Variants in MED12L observed in about 807,000 individuals in gnomAD.
MED12L encodes the protein mediator complex subunit 12L.
Under a neutral mutation model 281.3 loss-of-function variants are expected in MED12L, and 60 were observed. That is an observed-to-expected ratio of 0.21 (90% CI 0.17 to 0.26). The LOEUF is 0.26. MED12L is among the 10% of genes least tolerant of loss of function. MED12L has a pLI of 1.00. For synonymous variants in MED12L, 974 were observed against 987.2 expected (o/e 0.99, Z 0.25); for missense variants, 2,146 against 2,680.9 (o/e 0.80, Z 4.41).
At chr3:151,195,080 G>A (rs1190885568) in intron 16 of MED12L, among the ~76,000 whole-genome samples, 2 of 152,074 alleles carry the variant, frequency 1.3e-5, no homozygotes, top group Non-Finnish European at 2.9e-5. Flanking sequence ...GGAGAATGGC[G>A]TGAACCCCAG....
chr3:151,385,212 T>A, intron 36 of MED12L, 21 bp downstream of exon 36: 2 of 1,136,368 alleles, frequency 1.8e-6, no homozygotes, highest in Non-Finnish European at 2.5e-6. Flanking sequence ...ATGTTTTTTC[T>A]TATATATAAA....
intron 1 of MED12L, chr3:151,086,594 C>A (rs1003920044): frequency 9.2e-5 from 19 of 206,320 alleles, no homozygotes; most frequent in African/African-American, 2.1e-4. Flanking sequence ...TGCTCCTCCC[C>A]CTGGAGACAA....
intron 16 of MED12L, among the ~76,000 whole-genome samples, chr3:151,265,479 C>T (rs999319400): frequency 6.6e-6 from 1 of 152,100 alleles, no homozygotes; most frequent in African/African-American, 2.4e-5. Flanking sequence ...AGAGCCTTTT[C>T]GAGTCTTTAT....
At chr3:151,117,014 T>C (rs1712928346) in intron 3 of MED12L, among the ~76,000 whole-genome samples, 1 of 152,222 alleles carries the variant, frequency 6.6e-6, no homozygotes, top group African/African-American at 2.4e-5. Context: ...GTTCATCCTG[T>C]TATTTTAGCA....
At chr3:151,214,668 C>T (rs560077942) in intron 16 of MED12L, among the ~76,000 whole-genome samples, 1 of 150,684 alleles carries the variant, frequency 6.6e-6, no homozygotes, top group African/African-American at 2.4e-5. Flanking sequence ...ATGGAGCAGA[C>T]AGGTGGCAGT....
At chr3:151,394,165 G>A (rs190214973) in intron 38 of MED12L, among the ~76,000 whole-genome samples, 5 of 152,286 alleles carry the variant, frequency 3.3e-5, no homozygotes, top group African/African-American at 1.2e-4. Flanking sequence ...AGATTTTAAA[G>A]TATTTTCATG....
At chr3:151,279,206 C>T (rs918387538) in intron 16 of MED12L, among the ~76,000 whole-genome samples, 2 of 152,144 alleles carry the variant, frequency 1.3e-5, no homozygotes, top group Non-Finnish European at 2.9e-5. Context: ...TATAAGGTTC[C>T]TGCATTTTAA....
Position 151,416,832 on chromosome 3 carries a change from TA to T in MED12L, c.6408+412del, listed in dbSNP as rs377684449. 3.0e-4 allele frequency among the ~76,000 whole-genome samples: 46 copies of T among 152,338 alleles called. No homozygotes were observed. In the South Asian group the frequency reaches 5.8e-3, roughly 19 times the overall value. On this transcript the variant is annotated intron_variant, in intron 43 of 44. Coordinates refer to ENST00000687756, the MANE Select transcript of MED12L (RefSeq NM_001393769.1). The stretch of plus-strand genomic sequence containing the variant: ...CTAAAATATTATCTATTATCTTCAA[TA>T]AGAAATTGTTTTTCATTCAGTTAGC...
At chr3:151,339,400 G>A (rs1751484371) in intron 16 of MED12L, among the ~76,000 whole-genome samples, 1 of 147,064 alleles carries the variant, frequency 6.8e-6, no homozygotes, top group South Asian at 2.2e-4. Context: ...AATTACTCTT[G>A]GGAAACTTAT....
chr3:151,178,463 AG>A (rs1375933362), intron 11 of MED12L, among the ~76,000 whole-genome samples: 1 of 152,224 alleles, frequency 6.6e-6, no homozygotes, highest in Non-Finnish European at 1.5e-5. Flanking sequence ...GGGTGGAGTC[AG>A]GAGAAGCCAG....
intron 39 of MED12L, among the ~76,000 whole-genome samples, chr3:151,404,281 T>C (rs184300521): frequency 1.3e-5 from 2 of 152,308 alleles, no homozygotes; most frequent in East Asian, 1.9e-4. Flanking sequence ...TCAGTTCTTA[T>C]AATATATGGA....
At chr3:151,119,746 T>TC (rs1418461477) in intron 3 of MED12L, among the ~76,000 whole-genome samples, 1 of 152,134 alleles carries the variant, frequency 6.6e-6, no homozygotes, top group Non-Finnish European at 1.5e-5. Flanking sequence ...CTATTACACT[T>TC]CCGCTACCAC....
chr3:151,155,243 G>C (rs1173503602), intron 5 of MED12L, among the ~76,000 whole-genome samples: 1 of 152,170 alleles, frequency 6.6e-6, no homozygotes, highest in African/African-American at 2.4e-5. Context: ...TAATCCTTGG[G>C]GAAATTTGGC....
At chr3:151,131,365 A>G (rs912156187) in intron 5 of MED12L, among the ~76,000 whole-genome samples, 2 of 152,204 alleles carry the variant, frequency 1.3e-5, no homozygotes, top group African/African-American at 4.8e-5. Flanking sequence ...CTTTGGGAGA[A>G]CAGGGCAGGA....
At chr3:151,097,384 T>C (rs1576717750) in intron 2 of MED12L, among the ~76,000 whole-genome samples, 1 of 152,350 alleles carries the variant, frequency 6.6e-6, no homozygotes, top group African/African-American at 2.4e-5. Context: ...CCAAACAAAT[T>C]CAGTCATTCA....
intron 39 of MED12L, among the ~76,000 whole-genome samples, chr3:151,408,439 A>G (rs2108339265): frequency 6.6e-6 from 1 of 152,340 alleles, no homozygotes; most frequent in Middle Eastern, 3.4e-3. Flanking sequence ...TAGTAAAATA[A>G]TCCTACAATA....
chr3:151,214,141 T>G (rs1727713064), intron 16 of MED12L: 1 of 1,613,984 alleles, frequency 6.2e-7, no homozygotes, highest in African/African-American at 1.3e-5. Flanking sequence ...GTTCTTGAGA[T>G]AGATGATGAA....
chr3:151,282,289 G>A (rs1434550437), intron 16 of MED12L, among the ~76,000 whole-genome samples: 2 of 151,928 alleles, frequency 1.3e-5, no homozygotes, highest in African/African-American at 4.8e-5. Context: ...AGATAAATAT[G>A]AACATTTTCA....
At chr3:151,277,182 G>A (rs1322561468) in intron 16 of MED12L, among the ~76,000 whole-genome samples, 3 of 151,438 alleles carry the variant, frequency 2.0e-5, no homozygotes, top group Non-Finnish European at 2.9e-5. Context: ...GGGATTACAG[G>A]TGTGAGCCAC....
Sources: allele counts gnomAD v4.1 joint callset (sites outside exome capture counted in the v4.1 genomes callset), GRCh38; gene constraint gnomAD v4.1.1; transcripts MANE v1.5; gene names NCBI Gene and HGNC (gene_info 2026-07-23, HGNC 2026-07-21).